The following NIBAN1 variants were observed in gnomAD, a reference collection of about 807,000 sequenced individuals.
NIBAN1 encodes the protein protein Niban 1.
In NIBAN1, 81 loss-of-function variants were observed where a neutral mutation model predicts 75.1. The observed-to-expected ratio is 1.08, with a 90% CI of 0.90 to 1.30. NIBAN1 has a LOEUF of 1.30. Among genes scored for constraint, NIBAN1 ranks in the 50% most tolerant of loss-of-function variants. The pLI is 0.00. For missense variants in NIBAN1, 1,133 were observed against 1,128.1 expected, an observed-to-expected ratio of 1.00 and a Z score of -0.06; for synonymous variants, 436 against 424.8, an observed-to-expected ratio of 1.03 and a Z score of -0.32.
At chr1:184,930,556 C>T (rs1054284759) in intron 1 of NIBAN1, among the ~76,000 whole-genome samples, 22 of 152,162 alleles carry the variant, frequency 1.4e-4, no homozygotes, top group African/African-American at 5.3e-4. Context: ...CATATGCTTT[C>T]CTGTATATAT....
chr1:184,795,358 C>A lies in NIBAN1; in HGVS notation c.2406G>T (p.Gly802=). 6.2e-7 allele frequency: 1 copy of A among 1,609,078 alleles called. No individual in the cohort carries two copies. The highest frequency in any genetic ancestry group is 8.5e-7 in the Non-Finnish European group (1 of 1,177,736). ...TGGGCCCCAGGGGCTCCTCGGTGAG[C>A]CCTCCACTGGCTGGCGGAGAGGCTG... ...GSPASPPASG[G]LTEEPLGPME... is the part of the protein sequence containing the mutation. Residue 802 remains glycine (G), a synonymous_variant, in exon 14 of 14, where the codon GGG becomes GGT. Coordinates refer to ENST00000367511, the MANE Select transcript of NIBAN1 (RefSeq NM_052966.4).
chr1:184,893,041 G>A (rs185646380), intron 3 of NIBAN1, among the ~76,000 whole-genome samples: 64 of 152,206 alleles, frequency 4.2e-4, no homozygotes, highest in Admixed American at 2.2e-3. Flanking sequence ...CAAAGTGCTG[G>A]GATTACAGGC....
rs544271356 is a variant in NIBAN1 at position 184,904,728 on chromosome 1, A to G, written c.56-5419T>C. 2.0e-5 allele frequency among the ~76,000 whole-genome samples: 3 copies of G among 152,296 alleles called. 1 individual carries two copies. Among genetic ancestry groups the G allele is most frequent in the East Asian group, 3.9e-4 (2 of 5,180 alleles). ...CATTTTGGGAGGCCAAGGTGGGTGG[A>G]TCACTTGAGGTCAAGAGTTCAAGAC... is the stretch of plus-strand genomic sequence containing the variant. On this transcript the variant is annotated intron_variant, in intron 1 of 13. Coordinates refer to ENST00000367511, the MANE Select transcript of NIBAN1 (RefSeq NM_052966.4).
intron 2 of NIBAN1, among the ~76,000 whole-genome samples, chr1:184,897,038 C>A (rs1199302452): frequency 6.6e-6 from 1 of 152,004 alleles, no homozygotes; most frequent in African/African-American, 2.4e-5. Context: ...TTTATTTGTT[C>A]CCTATGAACT....
intron 1 of NIBAN1, among the ~76,000 whole-genome samples, chr1:184,903,718 A>T (rs1332221891): frequency 6.8e-6 from 1 of 147,016 alleles, no homozygotes; most frequent in Non-Finnish European, 1.5e-5. Flanking sequence ...ACCAAGAACC[A>T]TGAGCCGATT....
Position 184,925,836 on chromosome 1 carries a change from A to C in NIBAN1, c.56-26527T>G, listed in dbSNP as rs866979072. ...ATTATTTTTGATCAGTCCATCTTTT[A>C]GTCTTTCTACTCAAGACGTGAGTAG... On this transcript the variant is annotated intron_variant, in intron 1 of 13. Coordinates refer to ENST00000367511, the MANE Select transcript of NIBAN1 (RefSeq NM_052966.4). 2.7e-4 allele frequency among the ~76,000 whole-genome samples: 41 copies of C among 152,284 alleles called. No homozygotes were observed. The Middle Eastern group carries it at 0.014, about 51-fold the overall frequency.
chr1:184,796,298 G>A (rs77431493), intron 13 of NIBAN1, among the ~76,000 whole-genome samples: 8,068 of 152,232 alleles, frequency 0.053, 238 homozygotes, highest in Middle Eastern at 0.065. Context: ...TATTCAAACA[G>A]CAAACATTTG....
At chr1:184,902,950 A>G (rs567422699) in intron 1 of NIBAN1, among the ~76,000 whole-genome samples, 8 of 152,362 alleles carry the variant, frequency 5.3e-5, no homozygotes, top group African/African-American at 1.9e-4. Context: ...TGATCAATCA[A>G]TTTTGACTAT....
At chr1:184,825,388 G>A (rs1226617819) in intron 6 of NIBAN1, among the ~76,000 whole-genome samples, 1 of 152,054 alleles carries the variant, frequency 6.6e-6, no homozygotes, top group Non-Finnish European at 1.5e-5. Flanking sequence ...TACGATGATT[G>A]CTTACAAAAA....
intron 5 of NIBAN1, among the ~76,000 whole-genome samples, chr1:184,863,557 T>G (rs1378935829): frequency 6.6e-6 from 1 of 152,246 alleles, no homozygotes; most frequent in Non-Finnish European, 1.5e-5. Context: ...AGAATCTAGA[T>G]TGCCTACATT....
At chr1:184,834,108 GTTTGGT>G (rs1410666720) in intron 5 of NIBAN1, among the ~76,000 whole-genome samples, 2 of 151,540 alleles carry the variant, frequency 1.3e-5, no homozygotes, top group Non-Finnish European at 2.9e-5. Flanking sequence ...AACATGCAGT[GTTTGGT>G]TTTCTGTCCT....
chr1:184,891,162 T>C (rs1245789136), intron 3 of NIBAN1, among the ~76,000 whole-genome samples: 1 of 152,164 alleles, frequency 6.6e-6, no homozygotes, highest in African/African-American at 2.4e-5. Flanking sequence ...ATATCTAAAT[T>C]ACTTGTAACA....
chr1:184,928,944 C>T (rs1160747445), intron 1 of NIBAN1, among the ~76,000 whole-genome samples: 2 of 152,270 alleles, frequency 1.3e-5, no homozygotes, highest in Admixed American at 6.5e-5. Flanking sequence ...GATGCACACC[C>T]ACTCTCCCAT....
At chr1:184,900,506 T>C (rs555871254) in intron 1 of NIBAN1, among the ~76,000 whole-genome samples, 2 of 152,312 alleles carry the variant, frequency 1.3e-5, no homozygotes, top group African/African-American at 4.8e-5. Flanking sequence ...AACTGCAATA[T>C]ATTAAATAGT....
At chr1:184,938,428 T>C (rs1658013485) in intron 1 of NIBAN1, among the ~76,000 whole-genome samples, 1 of 152,164 alleles carries the variant, frequency 6.6e-6, no homozygotes, top group African/African-American at 2.4e-5. Flanking sequence ...AATCAGTCTT[T>C]CTCTTTTTTT....
chr1:184,896,459 C>T (rs571684083), intron 2 of NIBAN1, among the ~76,000 whole-genome samples: 1 of 152,068 alleles, frequency 6.6e-6, no homozygotes, highest in South Asian at 2.1e-4. Context: ...TTGTTAGGGG[C>T]ATAATTTGCA....
At chr1:184,965,644 A>C (rs1360465932) in intron 1 of NIBAN1, among the ~76,000 whole-genome samples, 2 of 152,198 alleles carry the variant, frequency 1.3e-5, no homozygotes, top group African/African-American at 2.4e-5. Flanking sequence ...GAGCCCTATC[A>C]GAGGGTGAAC....
chr1:184,970,931 T>C (rs922624450), intron 1 of NIBAN1, among the ~76,000 whole-genome samples: 2 of 152,174 alleles, frequency 1.3e-5, no homozygotes, highest in African/African-American at 2.4e-5. Context: ...GGGGGGTTTT[T>C]TGGTTTTGTT....
At chr1:184,827,151 T>C (rs1479757162) in intron 6 of NIBAN1, among the ~76,000 whole-genome samples, 3 of 151,834 alleles carry the variant, frequency 2.0e-5, no homozygotes, top group African/African-American at 7.3e-5. Context: ...GAACTGAGAG[T>C]CCATTAAAAC....
Sources: allele counts gnomAD v4.1 joint callset (sites outside exome capture counted in the v4.1 genomes callset), GRCh38; gene constraint gnomAD v4.1.1; transcripts MANE v1.5; gene names NCBI Gene and HGNC (gene_info 2026-07-23, HGNC 2026-07-21).